The following BRD7 variants were observed in gnomAD, a reference collection of about 807,000 sequenced individuals.
BRD7 encodes bromodomain-containing protein 7.
Under a neutral mutation model 82.1 loss-of-function variants are expected in BRD7, and 15 were observed. That is an observed-to-expected ratio of 0.18 (90% CI 0.12 to 0.28). BRD7 has a LOEUF of 0.28. Ranked by LOEUF, BRD7 falls within the 10% of genes least tolerant of loss-of-function variation. The pLI is 1.00. For missense variants in BRD7, 638 were observed against 779.9 expected, an observed-to-expected ratio of 0.82 and a Z score of 2.17; for synonymous variants, 232 against 266.9, an observed-to-expected ratio of 0.87 and a Z score of 1.27.
intron 5 of BRD7, 99 bp from the exon 6 acceptor site, chr16:50,340,185 G>A (rs1156271602): frequency 7.1e-6 from 4 of 562,992 alleles, no homozygotes; most frequent in Non-Finnish European, 1.2e-5. Context: ...AATTTAAAAA[G>A]CAACATCCCT....
At position 50,322,174 on chromosome 16, in the gene BRD7, C is replaced by A. The variant is rs116482188; in HGVS notation, c.1444-136G>T. 3,307 of 649,268 alleles carry A rather than the reference C, an allele frequency of 5.1e-3. 72 individuals are homozygous for A. In the African/African-American group the frequency reaches 0.054, roughly 11 times the overall value. 40.2% of individuals were successfully genotyped at this position (649,268 alleles called of 1,614,324 possible). Reference sequence around the variant, plus strand: ...GACTACTGGAATATAATTTTTCAGGCCAAAATGACTAAATATAATTATTAG... The same window carrying A: ...GACTACTGGAATATAATTTTTCAGGACAAAATGACTAAATATAATTATTAG... On this transcript the variant is annotated intron_variant, in intron 12 of 16. Coordinates refer to ENST00000394688, the MANE Select transcript of BRD7 (RefSeq NM_013263.5).
intron 8 of BRD7, among the ~76,000 whole-genome samples, chr16:50,331,348 G>C (rs1476938779): frequency 6.6e-6 from 1 of 152,178 alleles, no homozygotes; most frequent in Non-Finnish European, 1.5e-5. Context: ...GGAGCCTGAA[G>C]TGCCAAAGCA....
chr16:50,355,660 T>C (rs1441622699), intron 2 of BRD7, among the ~76,000 whole-genome samples: 3 of 152,200 alleles, frequency 2.0e-5, no homozygotes, highest in Non-Finnish European at 4.4e-5. Flanking sequence ...GAATTTGAGC[T>C]CTACTTCATG....
chr16:50,348,505 C>G (rs1335666284), intron 5 of BRD7, among the ~76,000 whole-genome samples: 1 of 152,202 alleles, frequency 6.6e-6, no homozygotes, highest in Non-Finnish European at 1.5e-5. Context: ...TTTTCACAGT[C>G]TATCCATCTG....
chr16:50,333,368 T>C (rs1169534321), intron 8 of BRD7, among the ~76,000 whole-genome samples: 1 of 152,178 alleles, frequency 6.6e-6, no homozygotes, highest in Non-Finnish European at 1.5e-5. Context: ...GTTGAAAATA[T>C]CATGAGTTGA....
At chr16:50,337,523 G>A (rs895840519) in intron 6 of BRD7, among the ~76,000 whole-genome samples, 2 of 152,066 alleles carry the variant, frequency 1.3e-5, no homozygotes, top group Non-Finnish European at 1.5e-5. Flanking sequence ...GCCTCCCAAA[G>A]TGTTGGGATT....
intron 13 of BRD7, 86 bp from the exon 14 acceptor site, chr16:50,320,860 T>C (rs2037071489): frequency 1.1e-6 from 1 of 893,810 alleles, no homozygotes; most frequent in Admixed American, 1.9e-5. Flanking sequence ...GGCATGTATT[T>C]ACAGGCAAAG....
intron 6 of BRD7, among the ~76,000 whole-genome samples, chr16:50,337,410 A>G (rs924564521): frequency 1.1e-4 from 16 of 151,636 alleles, no homozygotes; most frequent in Admixed American, 5.3e-4. Context: ...ACAGGCATGC[A>G]CCACCACGCC....
chr16:50,365,933 G>A (rs1479258975), intron 2 of BRD7, among the ~76,000 whole-genome samples: 1 of 152,140 alleles, frequency 6.6e-6, no homozygotes, highest in African/African-American at 2.4e-5. Context: ...GCTCTGAACT[G>A]AAGGCACAAG....
chr16:50,368,597 G>A, intron 1 of BRD7, 129 bp downstream of exon 1: 2 of 987,738 alleles, frequency 2.0e-6, no homozygotes, highest in Non-Finnish European at 2.8e-6. Flanking sequence ...GGCAGGACGC[G>A]CCCCCTTCGC....
chr16:50,360,442 C>A (rs2038895520), intron 2 of BRD7, among the ~76,000 whole-genome samples: 1 of 152,192 alleles, frequency 6.6e-6, no homozygotes, highest in African/African-American at 2.4e-5. Context: ...AAAAATGTTT[C>A]ATTACCTGGC....
In BRD7 at chr16:50,368,301, T is replaced by A. The variant is rs768467453; in HGVS notation, c.50-3A>T. 1 of 1,609,800 alleles carries A rather than the reference T, an allele frequency of 6.2e-7. No homozygotes were observed. Among genetic ancestry groups the A allele is most frequent in the Non-Finnish European group, 8.5e-7 (1 of 1,178,794 alleles). ...CTTCAAGGGCTTCTCTACATACTCT[T>A]AAAAAAAGAAAAGAAAAGAAAGGAA... On this transcript the variant is annotated splice_region_variant and splice_polypyrimidine_tract_variant and intron_variant, in intron 1 of 16. Coordinates refer to ENST00000394688, the MANE Select transcript of BRD7 (RefSeq NM_013263.5).
Position 50,320,688 on chromosome 16 carries a change from A to T in BRD7, c.1587T>A (p.Val529=). The change falls in exon 14 of 17, where the codon GTT becomes GTA. Residue 529 remains valine, a synonymous_variant. Coordinates refer to ENST00000394688, the MANE Select transcript of BRD7 (RefSeq NM_013263.5). ...IALKAVTNFG[V]PVEVFDSEEA... ...CTTCAGAGTCAAAAACTTCAACTGG[A>T]ACGCCAAAATTTGTTACTGCTTTCA... is the stretch of plus-strand genomic sequence containing the variant. 2 of 1,614,084 alleles carry T rather than the reference A, an allele frequency of 1.2e-6. No homozygotes were observed. The highest frequency in any genetic ancestry group is 3.3e-4 in the Middle Eastern group (2 of 6,002).
intron 5 of BRD7, among the ~76,000 whole-genome samples, chr16:50,343,800 C>G (rs562320604): frequency 6.6e-6 from 1 of 152,166 alleles, no homozygotes; most frequent in African/African-American, 2.4e-5. Flanking sequence ...ACAAAGCCAC[C>G]GGGAAGCTCG....
chr16:50,325,686 A>T, intron 11 of BRD7, 62 bp downstream of exon 11: 1 of 1,458,880 alleles, frequency 6.9e-7, no homozygotes, highest in Non-Finnish European at 9.2e-7. Context: ...TCTATCCACA[A>T]ATCATGTATG....
chr16:50,331,461 G>A (rs1485231626), intron 8 of BRD7, among the ~76,000 whole-genome samples: 1 of 152,210 alleles, frequency 6.6e-6, no homozygotes, highest in East Asian at 1.9e-4. Context: ...TAGCACTTTG[G>A]GAGGCTGAGT....
intron 6 of BRD7, among the ~76,000 whole-genome samples, chr16:50,338,646 A>G (rs4280237): frequency 0.016 from 2,411 of 152,102 alleles, 58 homozygotes; most frequent in African/African-American, 0.054. Context: ...TCCCTGTCCT[A>G]TCTTGTGGTT....
rs759422121 is a variant in BRD7, at chr16:50,319,770, CT to C, written c.1900+116del. 4.9e-5 allele frequency: 65 copies of C among 1,337,574 alleles called. 1 individual carries two copies. The highest frequency in any genetic ancestry group is 2.5e-4 in the East Asian group (11 of 43,256). The allele number at this position is 1,337,574 out of a possible 1,614,324, so 82.9% of individuals were successfully genotyped here. ...GGGACTTGAGCATCTACAGATTTTG[CT>C]ATCTTTGTGGGGTAAATACCAAATC... On this transcript the variant is annotated intron_variant, in intron 16 of 16. Coordinates refer to ENST00000394688, the MANE Select transcript of BRD7 (RefSeq NM_013263.5).
At chr16:50,353,738 C>A (rs1215452016) in intron 4 of BRD7, among the ~76,000 whole-genome samples, 1 of 149,076 alleles carries the variant, frequency 6.7e-6, no homozygotes, top group African/African-American at 2.5e-5. Flanking sequence ...GGACTACAGG[C>A]GCCCATCACC....
Sources: gnomAD v4.1 joint callset for allele counts (sites outside exome capture counted in the v4.1 genomes callset) on GRCh38, gnomAD v4.1.1 for gene constraint, MANE v1.5 for transcripts, NCBI Gene and HGNC (gene_info 2026-07-23, HGNC 2026-07-21) for gene names.